OPCML: variants seen among roughly 807,000 people sequenced by gnomAD.
The protein encoded by OPCML is opioid binding protein/cell adhesion molecule like.
OPCML carries 13 observed loss-of-function variants against 37.8 expected under a neutral mutation model. The ratio of observed to expected loss-of-function variants is 0.34; its 90% confidence interval spans 0.22 to 0.55. OPCML has a LOEUF of 0.55. OPCML is among the 20% of genes least tolerant of loss of function. The pLI, the probability that OPCML is intolerant of heterozygous loss-of-function variation, is 0.91. For synonymous variants in OPCML, 176 were observed against 168.8 expected (o/e 1.04, Z -0.33); for missense variants, 341 against 435.6 (o/e 0.78, Z 1.93).
chr11:132,506,525 T>C (rs2096257111), intron 4 of OPCML, among the ~76,000 whole-genome samples: 1 of 152,138 alleles, frequency 6.6e-6, no homozygotes, highest in South Asian at 2.1e-4. Context: ...TGTCTCAACA[T>C]GTAAACGCGG....
chr11:133,280,890 C>T (rs1435554979), intron 1 of OPCML, among the ~76,000 whole-genome samples: 2 of 152,168 alleles, frequency 1.3e-5, no homozygotes, highest in African/African-American at 4.8e-5. Flanking sequence ...AAGTTTTTAT[C>T]AAGAGCAATG....
At chr11:133,403,370 C>G (rs114905862) in intron 1 of OPCML, among the ~76,000 whole-genome samples, 2,724 of 152,292 alleles carry the variant, frequency 0.018, 92 homozygotes, top group African/African-American at 0.062. Flanking sequence ...ACACAACAGG[C>G]CATTTGATAA....
intron 1 of OPCML, chr11:133,066,940 A>AGGTGTT (rs1286299990): frequency 2.6e-5 from 4 of 152,156 alleles, no homozygotes; most frequent in African/African-American, 9.7e-5. Context: ...CAGCCTCCCA[A>AGGTGTT]GGTGTTGGGA....
chr11:133,098,175 C>T (rs2082437494), intron 1 of OPCML, among the ~76,000 whole-genome samples: 1 of 151,276 alleles, frequency 6.6e-6, no homozygotes, highest in Non-Finnish European at 1.5e-5. Flanking sequence ...ACGCTGCTAC[C>T]AAGTGGGATT....
chr11:133,171,383 T>A (rs1022153838), intron 1 of OPCML, among the ~76,000 whole-genome samples: 2 of 152,182 alleles, frequency 1.3e-5, no homozygotes, highest in African/African-American at 4.8e-5. Context: ...AGTCTAAAAG[T>A]CCACTCTATG....
At chr11:132,806,866 G>A (rs1027501425) in intron 2 of OPCML, among the ~76,000 whole-genome samples, 6 of 152,046 alleles carry the variant, frequency 3.9e-5, no homozygotes, top group African/African-American at 1.4e-4. Context: ...CTTAGAACAA[G>A]TCTGAATACA....
At position 133,047,721 on chromosome 11, in the gene OPCML, T is replaced by G. The variant is rs542744094; in HGVS notation, c.62-104711A>C. Among the ~76,000 whole-genome samples the G allele has an allele frequency of 2.0e-5, 3 of 152,242 alleles. No homozygotes were observed. The South Asian group carries it at 6.2e-4, about 32-fold the overall frequency. ...CCAGCCCACTCCTCAGGGAGCAGCT[T>G]GAAAGATTACAGCTCAGAAGCAGAC... On this transcript the variant is annotated intron_variant, in intron 1 of 7. Coordinates refer to ENST00000524381, the MANE Select transcript of OPCML (RefSeq NM_001012393.5).
At chr11:133,070,367 C>T (rs960240887) in intron 1 of OPCML, among the ~76,000 whole-genome samples, 3 of 152,172 alleles carry the variant, frequency 2.0e-5, no homozygotes, top group Non-Finnish European at 4.4e-5. Context: ...CCCGGAACCC[C>T]CTTGGCCCTT....
chr11:133,185,896 T>C (rs543468663), intron 1 of OPCML, among the ~76,000 whole-genome samples: 1 of 152,330 alleles, frequency 6.6e-6, no homozygotes, highest in South Asian at 2.1e-4. Context: ...GATGATGGTA[T>C]AATGATTTTT....
intron 1 of OPCML, among the ~76,000 whole-genome samples, chr11:133,032,060 C>A (rs1244777616): frequency 2.0e-5 from 3 of 152,136 alleles, no homozygotes; most frequent in Non-Finnish European, 4.4e-5. Context: ...TGAAAGGTGG[C>A]TAGAGTGGAT....
chr11:132,474,135 A>G (rs1399017177), intron 4 of OPCML, among the ~76,000 whole-genome samples: 1 of 152,158 alleles, frequency 6.6e-6, no homozygotes, highest in African/African-American at 2.4e-5. Flanking sequence ...GACAGACCCA[A>G]CATGCAGCAG....
At chr11:133,321,006 C>T (rs1943316837) in intron 1 of OPCML, among the ~76,000 whole-genome samples, 1 of 152,106 alleles carries the variant, frequency 6.6e-6, no homozygotes, top group Non-Finnish European at 1.5e-5. Flanking sequence ...GCTGGAGTCC[C>T]CCAGCTCCTC....
intron 1 of OPCML, among the ~76,000 whole-genome samples, chr11:133,023,738 G>A (rs541760515): frequency 6.6e-6 from 1 of 152,260 alleles, no homozygotes; most frequent in Non-Finnish European, 1.5e-5. Context: ...ATTTACAGAG[G>A]GTTTTAAAAA....
In OPCML at chr11:132,574,189, C is replaced by T. The variant is rs188521587; in HGVS notation, c.380-45003G>A. On this transcript the variant is annotated intron_variant, in intron 3 of 7. Transcript: ENST00000524381. ...TTTTAAAAAAGGCAATTCTTAGTTT[C>T]ATTAATTTATTTCTACCGTTTTTCT... Among the ~76,000 whole-genome samples, 591 of 140,760 alleles carry T rather than the reference C, an allele frequency of 4.2e-3. 7 individuals are homozygous for T. Among genetic ancestry groups the T allele is most frequent in the African/African-American group, 0.016 (550 of 34,274 alleles). 92.3% of individuals were successfully genotyped at this position (140,760 alleles called of 152,430 possible).
At chr11:132,620,274 G>T (rs1368941107) in intron 3 of OPCML, among the ~76,000 whole-genome samples, 1 of 152,126 alleles carries the variant, frequency 6.6e-6, no homozygotes, top group East Asian at 1.9e-4. Flanking sequence ...ACTAGAACTT[G>T]GTCATTCAAA....
At chr11:133,502,268 A>G (rs1286433307) in intron 1 of OPCML, among the ~76,000 whole-genome samples, 2 of 152,162 alleles carry the variant, frequency 1.3e-5, no homozygotes, top group Non-Finnish European at 2.9e-5. Context: ...GACGCCATAC[A>G]GCAGCGGCTT....
At chr11:132,814,184 G>A (rs986540687) in intron 2 of OPCML, among the ~76,000 whole-genome samples, 2 of 152,188 alleles carry the variant, frequency 1.3e-5, no homozygotes, top group Non-Finnish European at 2.9e-5. Flanking sequence ...TGATATGTAC[G>A]AGGAACTGGA....
rs1452108092 is a variant in OPCML at position 133,314,163 on chromosome 11, A to G, written c.61+218101T>C. 6.7e-4 allele frequency among the ~76,000 whole-genome samples: 89 copies of G among 133,114 alleles called. 3 individuals are homozygous for G. The highest frequency in any genetic ancestry group is 8.6e-3 in the Middle Eastern group (2 of 232). 87.3% of individuals were successfully genotyped at this position (133,114 alleles called of 152,430 possible). A position where few individuals can be genotyped will look rare whatever the true frequency, so the allele number is the denominator to read the frequency against. On this transcript the variant is annotated intron_variant, in intron 1 of 7. Coordinates refer to ENST00000524381, the MANE Select transcript of OPCML (RefSeq NM_001012393.5). ...GGCAGGAGAATGGCGTGAACCCAGGAGTCGGAGCTTGCAGTGAGCCGAGAT... is the reference window on the plus strand; with the variant it reads ...GGCAGGAGAATGGCGTGAACCCAGGGGTCGGAGCTTGCAGTGAGCCGAGAT...
At chr11:132,555,058 C>A (rs558970062) in intron 3 of OPCML, among the ~76,000 whole-genome samples, 2 of 151,708 alleles carry the variant, frequency 1.3e-5, no homozygotes, top group Admixed American at 6.6e-5. Flanking sequence ...GGGAGCACTG[C>A]GTGATGAAGA....
Sources: allele counts gnomAD v4.1 joint callset (sites outside exome capture counted in the v4.1 genomes callset), GRCh38; gene constraint gnomAD v4.1.1; transcripts MANE v1.5; gene names NCBI Gene and HGNC (gene_info 2026-07-23, HGNC 2026-07-21).